The following PCM1 variants were observed in gnomAD, a reference collection of about 807,000 sequenced individuals.
The protein encoded by PCM1 is pericentriolar material 1.
A neutral mutation model predicts 241.9 loss-of-function variants in PCM1; 157 were observed. The ratio of observed to expected loss-of-function variants is 0.65; its 90% confidence interval spans 0.57 to 0.74. The LOEUF (loss-of-function observed/expected upper bound fraction) is 0.74, where lower values mean the gene tolerates loss of function less well. Among genes scored for constraint, PCM1 ranks in the 30% least tolerant of loss-of-function variants. The pLI is 0.00. For missense variants in PCM1, 3,478 were observed against 2,360.1 expected, an observed-to-expected ratio of 1.47 and a Z score of -9.81; for synonymous variants, 1,085 against 784.9, an observed-to-expected ratio of 1.38 and a Z score of -6.39.
rs531640930 is a variant in PCM1 at position 17,931,313 on chromosome 8, T to C, written c.-22-4276T>C. Reference sequence around the variant, plus strand: ...GATATATTCTTTTTTTTTTTTGAGATGGAGTCTTGCTCTTGCCCAGGCTGG... The same window carrying C: ...GATATATTCTTTTTTTTTTTTGAGACGGAGTCTTGCTCTTGCCCAGGCTGG... On this transcript the variant is annotated intron_variant, in intron 2 of 38. Transcript: ENST00000325083. 5.3e-5 allele frequency among the ~76,000 whole-genome samples: 8 copies of C among 151,996 alleles called. No homozygotes were observed. In the South Asian group the frequency reaches 1.7e-3, roughly 32 times the overall value.
At chr8:17,957,799 A>G in intron 13 of PCM1, 24 bp downstream of exon 13, 1 of 1,513,564 alleles carries the variant, frequency 6.6e-7, no homozygotes, top group Non-Finnish European at 9.1e-7. Flanking sequence ...GGTCTTTTAA[A>G]AACCTATTTG....
chr8:17,924,664 A>G (rs2056188749), intron 1 of PCM1, 49 bp from the exon 2 acceptor site: 1 of 152,238 alleles, frequency 6.6e-6, no homozygotes, highest in South Asian at 2.1e-4. Context: ...TCTGTATTTC[A>G]TAGCGTAAGT....
chr8:18,027,851 T>TGACA lies in PCM1; in HGVS notation c.*190_*193dup. 1 of 407,434 alleles carries TGACA rather than the reference T, an allele frequency of 2.5e-6. No individual in the cohort carries two copies. Among genetic ancestry groups the TGACA allele is most frequent in the Non-Finnish European group, 4.4e-6 (1 of 229,742 alleles). The allele number at this position is 407,434 out of a possible 1,614,324, so 25.2% of individuals were successfully genotyped here. On this transcript the variant is annotated 3_prime_UTR_variant, in exon 39 of 39. Transcript: ENST00000325083. ...CTGAATTCTGGACAGATTTAAGCCTTGACACACTGTGTTTTTTTTTTTTTC... is the reference window on the plus strand; with the variant it reads ...CTGAATTCTGGACAGATTTAAGCCTTGACAGACACACTGTGTTTTTTTTTTTTTC...
intron 7 of PCM1, among the ~76,000 whole-genome samples, chr8:17,949,649 T>C (rs929444544): frequency 6.6e-6 from 1 of 152,064 alleles, no homozygotes; most frequent in South Asian, 2.1e-4. Flanking sequence ...AGGCGTGCTG[T>C]ACCACGCCGG....
intron 24 of PCM1, among the ~76,000 whole-genome samples, chr8:17,982,989 AAATG>A (rs1178831446): frequency 2.0e-5 from 3 of 152,208 alleles, no homozygotes; most frequent in African/African-American, 7.2e-5. Context: ...ATGCTTCTAA[AAATG>A]AATGATAGAA....
chr8:18,013,981 T>C lies in PCM1; in HGVS notation c.5529T>C (p.Phe1843=), dbSNP rs1588526272. The C allele has an allele frequency of 6.2e-7, 1 of 1,603,342 alleles. No individual in the cohort carries two copies. The highest frequency in any genetic ancestry group is 1.3e-5 in the African/African-American group (1 of 74,364). Residue 1843 remains phenylalanine (F), a synonymous_variant, in exon 35 of 39, where the codon TTT becomes TTC. Coordinates refer to ENST00000325083, the MANE Select transcript of PCM1 (RefSeq NM_006197.4). ...CCTTCTAGGTCCTACAACGTGACTT[T>C]AAAAAGACAGCAGAAAGCAAAAATG... The part of the protein sequence containing the change: ...EHDEQVLQRD[F]KKTAESKNVP...
At position 17,928,592 on chromosome 8, in the gene PCM1, CTT is replaced by C. The variant is rs1451410493; in HGVS notation, c.-23+3813_-23+3814del. Among the ~76,000 whole-genome samples, 6 of 142,668 alleles carry C rather than the reference CTT, an allele frequency of 4.2e-5. No homozygotes were observed. In the South Asian group the frequency reaches 1.4e-3, roughly 33 times the overall value. The allele number at this position is 142,668 out of a possible 152,430, so 93.6% of individuals were successfully genotyped here. A position where few individuals can be genotyped will look rare whatever the true frequency, so the allele number is the denominator to read the frequency against. ...CATGCTAGTTGCTTATCTCCTTTCTCTTCTGCATTTTTAGTATCTCCCTCTTT... is the reference window on the plus strand; with the variant it reads ...CATGCTAGTTGCTTATCTCCTTTCTCCTGCATTTTTAGTATCTCCCTCTTT... On this transcript the variant is annotated intron_variant, in intron 2 of 38. Coordinates refer to ENST00000325083, the MANE Select transcript of PCM1 (RefSeq NM_006197.4).
rs2077210822 is a variant in PCM1, at chr8:17,972,601, C to T, written c.3857C>T (p.Ala1286Val). The stretch of plus-strand genomic sequence containing the variant: ...AAGACAAGAAAAGCGTCTGCACAGG[C>T]CAGCCTGGCATCTAAAGATAAAACT... ...TFKTRKASAQ[A>V]SLASKDKTPK... The change falls in exon 23 of 39, where the codon GCC (alanine) becomes GTC (valine). Residue 1286 changes from alanine (A) to valine (V), a missense_variant. Ala to Val is a moderately conservative substitution (Grantham distance 64). Coordinates refer to ENST00000325083, the MANE Select transcript of PCM1 (RefSeq NM_006197.4). 3.7e-6 allele frequency: 6 copies of T among 1,600,536 alleles called. No homozygotes were observed. Among genetic ancestry groups the T allele is most frequent in the South Asian group, 2.3e-5 (2 of 87,452 alleles).
intron 2 of PCM1, among the ~76,000 whole-genome samples, chr8:17,930,479 G>T (rs2058642789): frequency 6.6e-6 from 1 of 152,152 alleles, no homozygotes; most frequent in African/African-American, 2.4e-5. Flanking sequence ...AGAAGGCAGA[G>T]ATTCTGTATT....
In PCM1 at chr8:17,953,081, G is replaced by A. The variant is rs116620166; in HGVS notation, c.1183G>A (p.Glu395Lys). 3,248 of 1,603,904 alleles carry A rather than the reference G, an allele frequency of 2.0e-3. 49 individuals carry two copies. In the African/African-American group the frequency reaches 0.039, roughly 19 times the overall value. Residue 395 changes from glutamate (E) to lysine (K), a missense_variant, in exon 9 of 39, where the codon GAA becomes AAA. Glu to Lys is a moderately conservative substitution (Grantham distance 56). Transcript: ENST00000325083. ...ASERLPDEKV[E>K]LFSKMRVLQE... ...AGAACGTTTACCTGATGAGAAAGTC[G>A]AACTTTTTAGCAAAATGAGAGTGCT...
intron 23 of PCM1, among the ~76,000 whole-genome samples, chr8:17,974,511 C>G (rs1401403837): frequency 6.6e-6 from 1 of 152,126 alleles, no homozygotes; most frequent in Admixed American, 6.5e-5. Context: ...TTGGAAGGGA[C>G]TTGAGAGTCT....
At chr8:17,975,729 C>G (rs996166854) in intron 23 of PCM1, among the ~76,000 whole-genome samples, 1 of 152,128 alleles carries the variant, frequency 6.6e-6, no homozygotes, top group African/African-American at 2.4e-5. Flanking sequence ...GACATTCTTT[C>G]AGAAGTAGCT....
chr8:17,935,773 C>A, intron 3 of PCM1, 67 bp downstream of exon 3: 1 of 758,996 alleles, frequency 1.3e-6, no homozygotes, highest in Non-Finnish European at 2.4e-6. Flanking sequence ...TTCCCCCTGA[C>A]CAAATTTAAC....
At chr8:18,008,278 G>A (rs577919970) in intron 30 of PCM1, among the ~76,000 whole-genome samples, 9 of 152,106 alleles carry the variant, frequency 5.9e-5, no homozygotes, top group South Asian at 2.1e-4. Context: ...TGAACTGCAC[G>A]TGTGAGGGAT....
At chr8:17,945,848 A>G (rs911104764) in intron 6 of PCM1, among the ~76,000 whole-genome samples, 1 of 152,162 alleles carries the variant, frequency 6.6e-6, no homozygotes, top group African/African-American at 2.4e-5. Context: ...TTTATTTGAA[A>G]TTTACATAAC....
chr8:17,959,528 C>T (rs1357385656), intron 13 of PCM1, among the ~76,000 whole-genome samples: 1 of 151,986 alleles, frequency 6.6e-6, no homozygotes, highest in Non-Finnish European at 1.5e-5. Context: ...AGAAGTGGAA[C>T]TACTATGTCA....
intron 36 of PCM1, among the ~76,000 whole-genome samples, chr8:18,024,401 T>C (rs1005947149): frequency 3.3e-5 from 5 of 152,294 alleles, no homozygotes; most frequent in South Asian, 2.1e-4. Context: ...TTTACAGTTA[T>C]GATTCATAAT....
At chr8:18,005,698 T>C (rs1478746447) in intron 29 of PCM1, among the ~76,000 whole-genome samples, 9 of 152,140 alleles carry the variant, frequency 5.9e-5, no homozygotes, top group Non-Finnish European at 1.3e-4. Flanking sequence ...GGGGGTGATG[T>C]TAACCCTCAA....
rs909655202 is a variant in PCM1, at chr8:17,950,622, A to G, written c.969A>G (p.Ala323=). The stretch of plus-strand genomic sequence containing the variant: ...TTACTAATTTCTTTCCAGTTGTTGC[A>G]GAAACTGCAGGTAGCTTATCTGGCG... ...AIAVMDDSVV[A]ETAGSLSGVS... Residue 323 remains alanine, a synonymous_variant, in exon 8 of 39, where the codon GCA becomes GCG. Transcript: ENST00000325083. 8 of 1,578,346 alleles carry G rather than the reference A, an allele frequency of 5.1e-6. No homozygotes were observed. In the African/African-American group the frequency reaches 8.1e-5, roughly 16 times the overall value.
Sources: allele counts gnomAD v4.1 joint callset (sites outside exome capture counted in the v4.1 genomes callset), GRCh38; gene constraint gnomAD v4.1.1; transcripts MANE v1.5; gene names NCBI Gene and HGNC (gene_info 2026-07-23, HGNC 2026-07-21).